Variants in CYP4X1 observed in about 807,000 individuals in gnomAD.
CYP4X1 encodes the protein cytochrome P450 4X1.
In CYP4X1, 44 loss-of-function variants were observed where a neutral mutation model predicts 57.9. That is an observed-to-expected ratio of 0.76 (90% CI 0.60 to 0.98). The LOEUF is 0.98. Ranked by LOEUF, CYP4X1 falls within the 50% of genes least tolerant of loss-of-function variation. The probability of loss-of-function intolerance (pLI) is 0.00; values close to 1 mark genes in which losing one functional copy is unlikely to be tolerated. For synonymous variants in CYP4X1, 227 were observed against 228.6 expected (o/e 0.99, Z 0.06); for missense variants, 532 against 623.9 (o/e 0.85, Z 1.57).
the CYP4X1 span, among the ~76,000 whole-genome samples, chr1:46,998,851 T>C: frequency 1.3e-5 from 2 of 152,192 alleles, no homozygotes; most frequent in Non-Finnish European, 2.9e-5. Context: ...TATTTATTTT[T>C]GGTGCCTTTC....
the CYP4X1 span, among the ~76,000 whole-genome samples, chr1:46,995,353 A>G: frequency 6.6e-6 from 1 of 152,218 alleles, no homozygotes. Context: ...AGGGAAGTGA[A>G]ATATCCATCC....
chr1:47,029,808 C>T (rs559233201), intron 1 of CYP4X1, among the ~76,000 whole-genome samples, 182 bp from the exon 2 acceptor site: 1 of 152,052 alleles, frequency 6.6e-6, no homozygotes, highest in South Asian at 2.1e-4. Context: ...AATACACTAA[C>T]TTTGTTTAGA....
upstream of CYP4X1, among the ~76,000 whole-genome samples, chr1:47,022,613 A>G (rs982913590): frequency 1.3e-5 from 2 of 151,938 alleles, no homozygotes; most frequent in Admixed American, 1.3e-4. Context: ...TTAATCACTT[A>G]CCCGCCAAAT....
the CYP4X1 span, among the ~76,000 whole-genome samples, chr1:46,994,735 C>T: frequency 6.6e-6 from 1 of 152,232 alleles, no homozygotes; most frequent in African/African-American, 2.4e-5. Flanking sequence ...GCCATGCACA[C>T]ACCCACATTC....
the CYP4X1 span, among the ~76,000 whole-genome samples, chr1:46,983,969 G>A: frequency 4.6e-5 from 7 of 152,108 alleles, no homozygotes; most frequent in African/African-American, 4.8e-5. Context: ...GCATGCAAGA[G>A]AGCCAGGCCT....
At chr1:47,017,030 A>T in the CYP4X1 span, among the ~76,000 whole-genome samples, 1 of 152,170 alleles carries the variant, frequency 6.6e-6, no homozygotes, top group African/African-American at 2.4e-5. Context: ...AAATGACAGG[A>T]TCTCATTCTT....
At chr1:47,032,611 G>A (rs759447382) in intron 3 of CYP4X1, among the ~76,000 whole-genome samples, 1 of 152,164 alleles carries the variant, frequency 6.6e-6, no homozygotes, top group Non-Finnish European at 1.5e-5. Context: ...GACCAGTCTG[G>A]CAATAGAAGA....
chr1:47,018,504 TG>T, the CYP4X1 span, among the ~76,000 whole-genome samples: 23 of 152,102 alleles, frequency 1.5e-4, no homozygotes, highest in African/African-American at 5.3e-4. Flanking sequence ...TTTAGTGAGA[TG>T]GGGTGTAGTG....
chr1:47,053,332 A>C (rs376404684), downstream of CYP4X1, among the ~76,000 whole-genome samples: 1 of 151,802 alleles, frequency 6.6e-6, no homozygotes, highest in Non-Finnish European at 1.5e-5. Context: ...GGACATTTGG[A>C]TTGGTTCCAA....
chr1:47,033,394 T>C (rs758007777), intron 4 of CYP4X1, 26 bp downstream of exon 4: 1 of 1,612,840 alleles, frequency 6.2e-7, no homozygotes, highest in Non-Finnish European at 8.5e-7. Context: ...AAGTGCTCTG[T>C]GCATTGCGAA....
At chr1:47,041,052 G>A (rs1186576191) in intron 8 of CYP4X1, among the ~76,000 whole-genome samples, 7 of 151,964 alleles carry the variant, frequency 4.6e-5, no homozygotes, top group Non-Finnish European at 8.8e-5. Flanking sequence ...TTGTCTTTCT[G>A]TGCCTGGCTT....
chr1:46,963,475 C>T, the CYP4X1 span, among the ~76,000 whole-genome samples: 1 of 151,628 alleles, frequency 6.6e-6, no homozygotes, highest in Non-Finnish European at 1.5e-5. Flanking sequence ...TCAGCATTTG[C>T]TTGTCTGTAA....
the CYP4X1 span, chr1:46,961,570 A>G: frequency 8.1e-7 from 1 of 1,238,980 alleles, no homozygotes; most frequent in South Asian, 1.4e-5. Flanking sequence ...CCTGAGAACA[A>G]AGGGCTCAGG....
At chr1:46,984,947 AGATCCACTGACTT>A in the CYP4X1 span, among the ~76,000 whole-genome samples, 4,842 of 152,298 alleles carry the variant, frequency 0.032, 135 homozygotes, top group African/African-American at 0.078. Flanking sequence ...CAGCAAGCTG[AGATCCACTGACTT>A]GAAATTCTCG....
At chr1:47,006,902 G>A in the CYP4X1 span, among the ~76,000 whole-genome samples, 28 of 152,210 alleles carry the variant, frequency 1.8e-4, no homozygotes, top group African/African-American at 5.8e-4. Flanking sequence ...AAACTGCCGA[G>A]GCTTGAGTAG....
the CYP4X1 span, among the ~76,000 whole-genome samples, chr1:47,004,933 C>T: frequency 1.3e-5 from 2 of 152,176 alleles, no homozygotes; most frequent in Non-Finnish European, 2.9e-5. Flanking sequence ...TCCTATATCA[C>T]TAGTGGAATG....
downstream of CYP4X1, among the ~76,000 whole-genome samples, chr1:47,054,418 A>G (rs1644380084): frequency 1.3e-5 from 2 of 152,142 alleles, no homozygotes; most frequent in South Asian, 4.2e-4. Flanking sequence ...TTTTGGTTCC[A>G]TATGAACTTT....
the CYP4X1 span, among the ~76,000 whole-genome samples, chr1:47,001,279 A>C: frequency 6.6e-6 from 1 of 152,234 alleles, no homozygotes; most frequent in Non-Finnish European, 1.5e-5. Context: ...TGCTCTCAGC[A>C]GGCCTGAACC....
At chr1:47,003,851 C>T in the CYP4X1 span, among the ~76,000 whole-genome samples, 1 of 152,262 alleles carries the variant, frequency 6.6e-6, no homozygotes, top group Non-Finnish European at 1.5e-5. Flanking sequence ...TCATTCTACC[C>T]TTCCCTCTCC....
Sources: gnomAD v4.1 joint callset for allele counts (sites outside exome capture counted in the v4.1 genomes callset) on GRCh38, gnomAD v4.1.1 for gene constraint, MANE v1.5 for transcripts, NCBI Gene and HGNC (gene_info 2026-07-23, HGNC 2026-07-21) for gene names.